CHRM3: variants seen among roughly 807,000 people sequenced by gnomAD.
CHRM3 encodes the protein muscarinic acetylcholine receptor M3.
Under a neutral mutation model 41.8 loss-of-function variants are expected in CHRM3, and 11 were observed. That is an observed-to-expected ratio of 0.26 (90% CI 0.17 to 0.44). The LOEUF is 0.44. Ranked by LOEUF, CHRM3 falls within the 20% of genes least tolerant of loss-of-function variation. The pLI is 1.00. For missense variants in CHRM3, 571 were observed against 745.4 expected (o/e 0.77, Z 2.72); for synonymous variants, 297 against 301.4 (o/e 0.99, Z 0.15).
chr1:239,476,453 A>G (rs1192324311), intron 1 of CHRM3, among the ~76,000 whole-genome samples: 2 of 143,184 alleles, frequency 1.4e-5, no homozygotes, highest in African/African-American at 5.0e-5. Context: ...TGACAGAGCA[A>G]GACTCCATCC....
At chr1:239,463,321 G>T (rs931832524) in intron 1 of CHRM3, among the ~76,000 whole-genome samples, 6 of 152,192 alleles carry the variant, frequency 3.9e-5, no homozygotes, top group Admixed American at 1.3e-4. Flanking sequence ...GAGTCTGAAA[G>T]GGTATGCCCT....
At chr1:239,593,120 G>A (rs971566955) in intron 3 of CHRM3, among the ~76,000 whole-genome samples, 8 of 151,784 alleles carry the variant, frequency 5.3e-5, no homozygotes, top group Non-Finnish European at 7.4e-5. Flanking sequence ...AATCAATTAG[G>A]TCATTCATTC....
intron 2 of CHRM3, among the ~76,000 whole-genome samples, chr1:239,499,570 C>T (rs1215210197): frequency 6.6e-6 from 1 of 152,142 alleles, no homozygotes; most frequent in Non-Finnish European, 1.5e-5. Flanking sequence ...AGAGATTCAA[C>T]AATGTTTCTC....
intron 1 of CHRM3, among the ~76,000 whole-genome samples, chr1:239,465,627 G>A (rs1270066641): frequency 6.6e-6 from 1 of 152,070 alleles, no homozygotes; most frequent in Non-Finnish European, 1.5e-5. Context: ...CTAGGAACTG[G>A]GTAAGGTGAG....
chr1:239,806,919 T>G (rs1407333877), intron 5 of CHRM3, among the ~76,000 whole-genome samples: 1 of 152,332 alleles, frequency 6.6e-6, no homozygotes, highest in Middle Eastern at 3.4e-3. Context: ...GCGTACATTC[T>G]GTTTTGAGAG....
chr1:239,496,457 A>C (rs1667887116), intron 2 of CHRM3, among the ~76,000 whole-genome samples: 1 of 151,900 alleles, frequency 6.6e-6, no homozygotes. Flanking sequence ...CTGATATAAT[A>C]TCTATCATCT....
chr1:239,544,191 G>C (rs1222698689), intron 2 of CHRM3, among the ~76,000 whole-genome samples: 1 of 152,048 alleles, frequency 6.6e-6, no homozygotes, highest in East Asian at 1.9e-4. Flanking sequence ...CTGTTTTTTT[G>C]TAGCATCTCC....
In CHRM3 at chr1:239,512,656, TCA is replaced by T. The variant is rs1170912358; in HGVS notation, c.-422+19851_-422+19852del. On this transcript the variant is annotated intron_variant, in intron 2 of 6. Transcript: ENST00000676153. ...TTCCTCCTCCCTCTCCTGCTTTCTC[TCA>T]CTCTTTATTTCTTCTTTCTGTTCCT... Among the ~76,000 whole-genome samples, 5 of 152,276 alleles carry T rather than the reference TCA, an allele frequency of 3.3e-5. No homozygotes were observed. In the East Asian group the frequency reaches 5.8e-4, roughly 18 times the overall value.
At chr1:239,760,070 A>G (rs1572203986) in intron 5 of CHRM3, among the ~76,000 whole-genome samples, 1 of 133,552 alleles carries the variant, frequency 7.5e-6, no homozygotes, top group Admixed American at 8.0e-5. Context: ...ACCCGCCACC[A>G]CACCCGGCTA....
intron 6 of CHRM3, among the ~76,000 whole-genome samples, chr1:239,840,716 T>C (rs1203527902): frequency 6.6e-6 from 1 of 152,170 alleles, no homozygotes; most frequent in African/African-American, 2.4e-5. Context: ...GGGCAATAGA[T>C]ATCTCATTTT....
chr1:239,478,963 A>C (rs1193337492), intron 1 of CHRM3, among the ~76,000 whole-genome samples: 1 of 152,016 alleles, frequency 6.6e-6, no homozygotes, highest in Non-Finnish European at 1.5e-5. Context: ...CGGGTAGATC[A>C]CTTGAGCCTA....
rs144531653 is a variant in CHRM3 at position 239,666,694 on chromosome 1, T to C, written c.-249-11492T>C. Among the ~76,000 whole-genome samples the C allele has an allele frequency of 1.6e-3, 243 of 152,270 alleles. 4 individuals carry two copies. In the Middle Eastern group the frequency reaches 0.024, roughly 15 times the overall value. On this transcript the variant is annotated intron_variant, in intron 4 of 6. Coordinates refer to ENST00000676153, the MANE Select transcript of CHRM3 (RefSeq NM_001375978.1). ...TCTTTTACAATATCAACTTTTATTTTAGATTCGGGGGTACATATCAGGTTT... is the reference window on the plus strand; with the variant it reads ...TCTTTTACAATATCAACTTTTATTTCAGATTCGGGGGTACATATCAGGTTT...
At chr1:239,771,609 T>C (rs901554806) in intron 5 of CHRM3, among the ~76,000 whole-genome samples, 1 of 152,228 alleles carries the variant, frequency 6.6e-6, no homozygotes, top group African/African-American at 2.4e-5. Flanking sequence ...GTACATAATG[T>C]AGACCAAGGG....
chr1:239,434,053 T>G (rs1013837792), intron 1 of CHRM3, among the ~76,000 whole-genome samples: 1 of 152,136 alleles, frequency 6.6e-6, no homozygotes, highest in African/African-American at 2.4e-5. Flanking sequence ...TTGTCCATAG[T>G]GGTTCAACAC....
At chr1:239,506,618 G>T (rs1226167702) in intron 2 of CHRM3, among the ~76,000 whole-genome samples, 1 of 152,166 alleles carries the variant, frequency 6.6e-6, no homozygotes, top group Non-Finnish European at 1.5e-5. Flanking sequence ...GTGAAATATG[G>T]GGTCAGAGCC....
rs145940770 is a variant in CHRM3 at position 239,660,906 on chromosome 1, T to A, written c.-249-17280T>A. Among the ~76,000 whole-genome samples the A allele has an allele frequency of 4.6e-3, 707 of 152,266 alleles. 7 individuals are homozygous for A. The highest frequency in any genetic ancestry group is 0.016 in the African/African-American group (654 of 41,556). ...CAAAATAATAATAATAGATTAATAT[T>A]TGTTGAAGACTTCTTATATGTCACA... On this transcript the variant is annotated intron_variant, in intron 4 of 6. Coordinates refer to ENST00000676153, the MANE Select transcript of CHRM3 (RefSeq NM_001375978.1).
intron 1 of CHRM3, among the ~76,000 whole-genome samples, chr1:239,465,530 T>G (rs1166087677): frequency 1.3e-5 from 2 of 152,124 alleles, no homozygotes; most frequent in African/African-American, 4.8e-5. Flanking sequence ...GTGTTGGCAG[T>G]GGTTTGCTCT....
chr1:239,395,190 G>A (rs1659374112), intron 1 of CHRM3, among the ~76,000 whole-genome samples: 1 of 151,916 alleles, frequency 6.6e-6, no homozygotes, highest in African/African-American at 2.4e-5. Flanking sequence ...CAGAGTGTAG[G>A]GCTTTCCAGC....
intron 5 of CHRM3, among the ~76,000 whole-genome samples, chr1:239,702,729 G>A (rs1349709037): frequency 6.6e-6 from 1 of 152,204 alleles, no homozygotes; most frequent in Non-Finnish European, 1.5e-5. Context: ...TCATGCCTCA[G>A]CTTCCTGAGT....
Sources: allele counts gnomAD v4.1 joint callset (sites outside exome capture counted in the v4.1 genomes callset), GRCh38; gene constraint gnomAD v4.1.1; transcripts MANE v1.5; gene names NCBI Gene and HGNC (gene_info 2026-07-23, HGNC 2026-07-21).